The following TIAM2 variants were observed in gnomAD, a reference collection of about 807,000 sequenced individuals.
TIAM2 encodes the protein TIAM Rac1 associated GEF 2, also known as rho guanine nucleotide exchange factor TIAM2.
TIAM2 carries 80 observed loss-of-function variants against 152.9 expected under a neutral mutation model. The ratio of observed to expected loss-of-function variants is 0.52; its 90% CI spans 0.44 to 0.63. The LOEUF (loss-of-function observed/expected upper bound fraction) is 0.63, where lower values mean the gene tolerates loss of function less well. Among genes scored for constraint, TIAM2 ranks in the 30% least tolerant of loss-of-function variants. The pLI, the probability that TIAM2 is intolerant of heterozygous loss-of-function variation, is 0.00. For missense variants in TIAM2, 1,965 were observed against 2,120.1 expected (o/e 0.93, Z 1.44); for synonymous variants, 804 against 838.0 (o/e 0.96, Z 0.70).
chr6:155,250,693 G>A (rs1296873223), intron 21 of TIAM2: 8 of 1,384,138 alleles, frequency 5.8e-6, no homozygotes, highest in Non-Finnish European at 6.9e-6. Flanking sequence ...GTGCACTGGA[G>A]CAAAATGCCT....
chr6:155,221,429 C>A (rs1423225539), intron 15 of TIAM2, among the ~76,000 whole-genome samples: 1 of 152,226 alleles, frequency 6.6e-6, no homozygotes, highest in Non-Finnish European at 1.5e-5. Context: ...AGCAGAGATG[C>A]TGATCTTCAC....
At chr6:155,035,458 C>G (rs9397768) in intron 1 of TIAM2, among the ~76,000 whole-genome samples, 136,615 of 152,194 alleles carry the variant, frequency 0.9, 61,447 homozygotes, top group Middle Eastern at 0.94. Flanking sequence ...TGACCTCAGA[C>G]GATCCACCCG....
rs953156993 is a variant in TIAM2 at position 155,130,038 on chromosome 6, T to C, written c.815T>C (p.Met272Thr). ...EAEGSFLAPG[M>T]PDPSLHASFP... ...GAGGGCTCCTTCCTGGCCCCCGGCATGCCTGACCCCAGTCTCCATGCCAGC... is the reference window on the plus strand; with the variant it reads ...GAGGGCTCCTTCCTGGCCCCCGGCACGCCTGACCCCAGTCTCCATGCCAGC... Residue 272 changes from methionine to threonine, a missense_variant, in exon 4 of 27, where the codon ATG becomes ACG. Met to Thr is a moderately conservative substitution (Grantham distance 81). Coordinates refer to ENST00000682666, the MANE Select transcript of TIAM2 (RefSeq NM_012454.4). The C allele has an allele frequency of 2.5e-6, 4 of 1,614,058 alleles. No individual in the cohort carries two copies. Among genetic ancestry groups the C allele is most frequent in the Non-Finnish European group, 3.4e-6 (4 of 1,180,032 alleles).
chr6:155,253,347 C>A, intron 24 of TIAM2: 1 of 331,056 alleles, frequency 3.0e-6, no homozygotes, highest in Non-Finnish European at 5.5e-6. Flanking sequence ...GTTAGAAGAA[C>A]AAAGATCCAC....
At chr6:155,000,991 C>CA (rs1223741178) in intron 1 of TIAM2, among the ~76,000 whole-genome samples, 2 of 151,882 alleles carry the variant, frequency 1.3e-5, no homozygotes, top group Non-Finnish European at 2.9e-5. Context: ...CTCAAACAAA[C>CA]AAACAAAAAA....
rs569405658 is a variant in TIAM2, at chr6:155,126,430, A to G, written c.-117-1060A>G. On this transcript the variant is annotated intron_variant, in intron 2 of 26. Transcript: ENST00000682666. Reference sequence around the variant, plus strand: ...CAGTGTACTTACTGCTGCCCTGTACATTTAAAAATGGGTAAGATGGGCCAG... The same window carrying G: ...CAGTGTACTTACTGCTGCCCTGTACGTTTAAAAATGGGTAAGATGGGCCAG... 7.2e-5 allele frequency among the ~76,000 whole-genome samples: 11 copies of G among 152,272 alleles called. No homozygotes were observed. In the South Asian group the frequency reaches 2.1e-3, roughly 29 times the overall value.
chr6:155,078,227 G>A (rs1435312969), intron 1 of TIAM2, among the ~76,000 whole-genome samples: 3 of 151,848 alleles, frequency 2.0e-5, no homozygotes, highest in East Asian at 1.9e-4. Context: ...TTTATTTTTT[G>A]TGGAAATGGG....
chr6:155,124,498 T>C lies in TIAM2; in HGVS notation c.-117-2992T>C, dbSNP rs201487408. 4.6e-5 allele frequency among the ~76,000 whole-genome samples: 7 copies of C among 152,268 alleles called. No individual in the cohort carries two copies. The East Asian group carries it at 1.3e-3, about 29-fold the overall frequency. Reference sequence around the variant, plus strand: ...GGCATGCACCACCATGCCTGGCTAATTTTATAGTTTTAGTAGAGACGGGGT... The same window carrying C: ...GGCATGCACCACCATGCCTGGCTAACTTTATAGTTTTAGTAGAGACGGGGT... On this transcript the variant is annotated intron_variant, in intron 2 of 26. Transcript: ENST00000682666.
intron 14 of TIAM2, among the ~76,000 whole-genome samples, chr6:155,199,867 C>G (rs1781437866): frequency 6.6e-6 from 1 of 152,162 alleles, no homozygotes; most frequent in Admixed American, 6.5e-5. Context: ...TGAATTATCC[C>G]TCACATCACC....
At chr6:155,137,713 T>A in intron 5 of TIAM2, 101 bp downstream of exon 5, 3 of 1,321,506 alleles carry the variant, frequency 2.3e-6, no homozygotes, top group Non-Finnish European at 3.0e-6. Flanking sequence ...TGAGTTCACA[T>A]GAGGGGTTTG....
At chr6:155,063,339 C>T (rs1777626975) in intron 1 of TIAM2, among the ~76,000 whole-genome samples, 1 of 152,130 alleles carries the variant, frequency 6.6e-6, no homozygotes, top group Non-Finnish European at 1.5e-5. Context: ...GTGTGTACAC[C>T]ACAGCTTTCA....
intron 7 of TIAM2, among the ~76,000 whole-genome samples, chr6:155,149,502 A>C (rs1779898609): frequency 6.6e-6 from 1 of 152,250 alleles, no homozygotes; most frequent in Admixed American, 6.5e-5. Context: ...ATTTAGACAT[A>C]GTGTGACTTA....
intron 1 of TIAM2, among the ~76,000 whole-genome samples, chr6:155,083,221 C>T (rs1350884028): frequency 6.6e-6 from 1 of 151,720 alleles, no homozygotes; most frequent in Admixed American, 6.6e-5. Flanking sequence ...TGGTGGCGTG[C>T]ACCTGTAATG....
Position 155,244,054 on chromosome 6 carries a change from A to G in TIAM2, c.3392A>G (p.Asn1131Ser). Reference protein sequence around the residue: ...LFELYLEPLQNETFLTQDEME... With the variant: ...LFELYLEPLQSETFLTQDEME... ...GAATTATACTTGGAGCCACTTCAGA[A>G]TGAGACCTTTCTTACCCAAGATGAG... The change falls in exon 17 of 27, where the codon AAT becomes AGT. Residue 1131 changes from asparagine to serine, a missense_variant. Asn to Ser is a conservative substitution (Grantham distance 46). Around this residue, in one of 3 missense-constraint regions of TIAM2, gnomAD observed 935 missense variants for 980.0 expected, o/e 0.95. Coordinates refer to ENST00000682666, the MANE Select transcript of TIAM2 (RefSeq NM_012454.4). The G allele has an allele frequency of 6.2e-7, 1 of 1,614,100 alleles. No homozygotes were observed. The highest frequency in any genetic ancestry group is 8.5e-7 in the Non-Finnish European group (1 of 1,180,002).
At chr6:155,059,401 G>A (rs563556510) in intron 1 of TIAM2, among the ~76,000 whole-genome samples, 90 of 152,080 alleles carry the variant, frequency 5.9e-4, no homozygotes, top group African/African-American at 2.1e-3. Context: ...TCATCTGACT[G>A]GGACCTCCGC....
chr6:155,019,002 T>G (rs1416739057), intron 1 of TIAM2, among the ~76,000 whole-genome samples: 2 of 149,740 alleles, frequency 1.3e-5, no homozygotes, highest in Non-Finnish European at 3.0e-5. Context: ...ATCGTGCTAG[T>G]GCACTGCAGC....
At position 155,244,653 on chromosome 6, in the gene TIAM2, C is replaced by T; in HGVS notation, c.3418-5C>T. On this transcript the variant is annotated splice_polypyrimidine_tract_variant and splice_region_variant and intron_variant, in intron 17 of 26. Coordinates refer to ENST00000682666, the MANE Select transcript of TIAM2 (RefSeq NM_012454.4). Reference sequence around the variant, plus strand: ...CCCTCATTTCAAATCCTGATCTTCACATAGATGGAGTCACTTTTTGGAAGT... The same window carrying T: ...CCCTCATTTCAAATCCTGATCTTCATATAGATGGAGTCACTTTTTGGAAGT... 6.2e-7 allele frequency: 1 copy of T among 1,613,758 alleles called. No homozygotes were observed. The highest frequency in any genetic ancestry group is 8.5e-7 in the Non-Finnish European group (1 of 1,179,806).
intron 1 of TIAM2, among the ~76,000 whole-genome samples, chr6:155,014,545 G>T (rs1412981958): frequency 6.6e-6 from 1 of 152,118 alleles, no homozygotes; most frequent in East Asian, 1.9e-4. Flanking sequence ...AGATGTAATT[G>T]TAAGATGATT....
intron 1 of TIAM2, among the ~76,000 whole-genome samples, chr6:155,067,603 G>A (rs576133746): frequency 8.7e-4 from 131 of 151,210 alleles, no homozygotes; most frequent in Admixed American, 2.1e-3. Context: ...TCTGCTTTGT[G>A]CTAACCTAGT....
Sources: gnomAD v4.1 joint callset for allele counts (sites outside exome capture counted in the v4.1 genomes callset) on GRCh38, gnomAD v4.1.1 for gene constraint, gnomAD v4.1.1 regional missense constraint, MANE v1.5 for transcripts, NCBI Gene and HGNC (gene_info 2026-07-23, HGNC 2026-07-21) for gene names.